SNX25: variants seen among roughly 807,000 people sequenced by gnomAD.
SNX25 encodes the protein sorting nexin-25.
SNX25 carries 62 observed loss-of-function variants against 113.7 expected under a neutral mutation model. That is an observed-to-expected ratio of 0.55 (90% CI 0.44 to 0.67). The LOEUF (loss-of-function observed/expected upper bound fraction) is 0.67. Ranked by LOEUF, SNX25 falls within the 30% of genes least tolerant of loss-of-function variation. The pLI is 0.00. For synonymous variants in SNX25, 421 were observed against 436.2 expected (o/e 0.97, Z 0.43); for missense variants, 1,014 against 1,161.0 (o/e 0.87, Z 1.84).
Position 185,264,577 on chromosome 4 carries a change from C to A in SNX25, c.871C>A (p.Arg291Ser), listed in dbSNP as rs200267699. Reference sequence around the variant, plus strand: ...AAAGGATGTGCAGTCTCTCAGCTTACGTATAATGCTTGCAGAAATTCTCAC... The same window carrying A: ...AAAGGATGTGCAGTCTCTCAGCTTAAGTATAATGCTTGCAGAAATTCTCAC... ...PSKDVQSLSL[R>S]IMLAEILTTK... The change falls in exon 4 of 19, where the codon CGT (arginine) becomes AGT (serine). Residue 291 changes from arginine (R) to serine (S), a missense_variant. Transcript: ENST00000652585. The A allele has an allele frequency of 1.2e-6, 2 of 1,613,854 alleles. No individual in the cohort carries two copies. The highest frequency in any genetic ancestry group is 1.7e-6 in the Non-Finnish European group (2 of 1,179,910).
chr4:185,273,373 A>G (rs183204384), intron 5 of SNX25, among the ~76,000 whole-genome samples: 13 of 152,342 alleles, frequency 8.5e-5, no homozygotes, highest in East Asian at 5.8e-4. Context: ...TCTGGGCTCA[A>G]GGGATCCTCC....
At chr4:185,317,793 G>A (rs189398270) in intron 7 of SNX25, among the ~76,000 whole-genome samples, 3 of 152,252 alleles carry the variant, frequency 2.0e-5, no homozygotes, top group East Asian at 1.9e-4. Flanking sequence ...CGGGGGGTGA[G>A]GGTTAAGGGG....
At chr4:185,286,586 G>T (rs1751381271) in intron 5 of SNX25, among the ~76,000 whole-genome samples, 1 of 152,228 alleles carries the variant, frequency 6.6e-6, no homozygotes, top group African/African-American at 2.4e-5. Flanking sequence ...ACTCCTGCCT[G>T]TCTCCAAGGC....
At chr4:185,367,257 A>G, downstream of SNX25, 2 of 1,610,060 alleles carry the variant, frequency 1.2e-6, no homozygotes, top group Non-Finnish European at 1.7e-6. Context: ...TTAAAATCAA[A>G]AAGAGTCAGA....
chr4:185,308,958 A>G (rs1754873499), intron 6 of SNX25, among the ~76,000 whole-genome samples: 1 of 152,212 alleles, frequency 6.6e-6, no homozygotes, highest in Non-Finnish European at 1.5e-5. Flanking sequence ...ACTACCCTAA[A>G]ACATAGTGTC....
intron 8 of SNX25, among the ~76,000 whole-genome samples, chr4:185,323,089 G>A (rs750490317): frequency 1.3e-5 from 2 of 152,196 alleles, no homozygotes; most frequent in Non-Finnish European, 2.9e-5. Context: ...TCATTCTGAA[G>A]AGTGTTTTTC....
intron 7 of SNX25, among the ~76,000 whole-genome samples, chr4:185,318,551 A>G (rs2095093444): frequency 6.6e-6 from 1 of 152,204 alleles, no homozygotes; most frequent in South Asian, 2.1e-4. Flanking sequence ...TTTTTAATGA[A>G]TATGGTTGAT....
At chr4:185,266,116 A>G (rs1748038726) in intron 4 of SNX25, among the ~76,000 whole-genome samples, 1 of 152,222 alleles carries the variant, frequency 6.6e-6, no homozygotes, top group African/African-American at 2.4e-5. Context: ...TCTCAGGATA[A>G]GCCAGCTGTG....
chr4:185,311,423 C>A (rs969222208), intron 7 of SNX25, among the ~76,000 whole-genome samples: 1 of 152,148 alleles, frequency 6.6e-6, no homozygotes, highest in African/African-American at 2.4e-5. Context: ...AACCAAATCA[C>A]GGAGCTTAGG....
At chr4:185,285,186 A>G (rs757118678) in intron 5 of SNX25, among the ~76,000 whole-genome samples, 8 of 152,172 alleles carry the variant, frequency 5.3e-5, no homozygotes, top group Non-Finnish European at 8.8e-5. Flanking sequence ...TCATAAATGT[A>G]TGTGCCATTT....
At chr4:185,244,332 A>G (rs1665972396) in intron 1 of SNX25, among the ~76,000 whole-genome samples, 1 of 152,214 alleles carries the variant, frequency 6.6e-6, no homozygotes, top group Non-Finnish European at 1.5e-5. Flanking sequence ...TGGTTTTATC[A>G]TTTGATCAGT....
chr4:185,361,491 A>C (rs1443813848), intron 16 of SNX25, among the ~76,000 whole-genome samples: 5 of 152,180 alleles, frequency 3.3e-5, no homozygotes. Flanking sequence ...TAATCCCAGC[A>C]CCTTGGGAGG....
chr4:185,313,640 T>C (rs2095048186), intron 7 of SNX25, among the ~76,000 whole-genome samples: 1 of 152,246 alleles, frequency 6.6e-6, no homozygotes, highest in South Asian at 2.1e-4. Context: ...GGATACATTA[T>C]GATATGTATA....
the SNX25 span, chr4:185,375,684 C>G: frequency 1.6e-5 from 25 of 1,611,816 alleles, no homozygotes; most frequent in African/African-American, 3.0e-4. Flanking sequence ...TGGTCTTTCT[C>G]CTTGATTTCT....
At chr4:185,240,063 C>T (rs1743464772) in intron 1 of SNX25, among the ~76,000 whole-genome samples, 1 of 151,628 alleles carries the variant, frequency 6.6e-6, no homozygotes, top group East Asian at 1.9e-4. Context: ...GCACATGTTT[C>T]AGAGAGCACA....
At chr4:185,300,780 A>G (rs1247148451) in intron 6 of SNX25, among the ~76,000 whole-genome samples, 1 of 150,564 alleles carries the variant, frequency 6.6e-6, no homozygotes, top group African/African-American at 2.4e-5. Context: ...GGAGGTGATT[A>G]GGTCATGAGG....
At chr4:185,374,573 T>A, downstream of SNX25, 4 of 1,127,514 alleles carry the variant, frequency 3.5e-6, no homozygotes, top group South Asian at 6.2e-5. Flanking sequence ...TGTATAATAC[T>A]ATGAATCTGT....
chr4:185,371,499 A>G (rs571255510), downstream of SNX25, among the ~76,000 whole-genome samples: 450 of 144,176 alleles, frequency 3.1e-3, 1 homozygote, highest in African/African-American at 9.4e-3. Context: ...CCGAGATCGC[A>G]CCACTGCACT....
At chr4:185,378,588 G>GT in the SNX25 span, 1 of 999,176 alleles carries the variant, frequency 1.0e-6, no homozygotes, top group African/African-American at 1.7e-5. Context: ...CTCTGCCCTT[G>GT]TAACTGACAC....
Sources: allele counts gnomAD v4.1 joint callset (sites outside exome capture counted in the v4.1 genomes callset), GRCh38; gene constraint gnomAD v4.1.1; transcripts MANE v1.5; gene names NCBI Gene and HGNC (gene_info 2026-07-23, HGNC 2026-07-21).